The following PLA2G4E variants were observed in gnomAD, a reference collection of about 807,000 sequenced individuals.
PLA2G4E encodes cytosolic phospholipase A2 epsilon.
Under a neutral mutation model 109.1 loss-of-function variants are expected in PLA2G4E, and 84 were observed. The observed-to-expected ratio is 0.77, with a 90% CI of 0.65 to 0.92. The LOEUF (loss-of-function observed/expected upper bound fraction) is 0.92, where lower values mean the gene tolerates loss of function less well. Ranked by LOEUF, PLA2G4E falls within the 40% of genes least tolerant of loss-of-function variation. The probability of loss-of-function intolerance (pLI) is 0.00; values close to 1 mark genes in which losing one functional copy is unlikely to be tolerated. For synonymous variants in PLA2G4E, 469 were observed against 436.1 expected, an observed-to-expected ratio of 1.08 and a Z score of -0.94; for missense variants, 1,057 against 1,076.6, an observed-to-expected ratio of 0.98 and a Z score of 0.25.
intron 18 of PLA2G4E, 134 bp downstream of exon 18, chr15:41,985,705 G>T: frequency 8.8e-7 from 1 of 1,140,586 alleles, no homozygotes; most frequent in Non-Finnish European, 1.2e-6. Flanking sequence ...ACTGCTGCTT[G>T]GCTTCCTCTG....
intron 2 of PLA2G4E, among the ~76,000 whole-genome samples, chr15:42,010,539 T>C (rs558137256): frequency 1.3e-5 from 2 of 152,204 alleles, no homozygotes; most frequent in Non-Finnish European, 2.9e-5. Flanking sequence ...TCATGGACTA[T>C]GGGGATTTCC....
intron 1 of PLA2G4E, among the ~76,000 whole-genome samples, chr15:42,033,962 G>T (rs1889161504): frequency 6.6e-6 from 1 of 152,146 alleles, no homozygotes; most frequent in Admixed American, 6.5e-5. Flanking sequence ...GGTGGAGTGG[G>T]AGAGAGGAGT....
chr15:42,027,446 G>A (rs1478458138), intron 1 of PLA2G4E, among the ~76,000 whole-genome samples: 1 of 152,066 alleles, frequency 6.6e-6, no homozygotes, highest in African/African-American at 2.4e-5. Flanking sequence ...TTTCCCTCCA[G>A]CTTTTTCCCA....
chr15:41,990,972 A>C (rs1043954092), intron 13 of PLA2G4E, among the ~76,000 whole-genome samples: 1 of 152,002 alleles, frequency 6.6e-6, no homozygotes, highest in African/African-American at 2.4e-5. Flanking sequence ...TGGTCACCCC[A>C]GTGTGCAAAG....
exon 19 of PLA2G4E, chr15:41,984,503 T>C: frequency 4.3e-6 from 7 of 1,613,962 alleles, no homozygotes; most frequent in Non-Finnish European, 5.9e-6. Flanking sequence ...GGGCATCGGG[T>C]TCCTGGGGGT....
At chr15:41,990,799 G>A (rs575680028) in intron 13 of PLA2G4E, among the ~76,000 whole-genome samples, 1 of 126,684 alleles carries the variant, frequency 7.9e-6, no homozygotes, top group East Asian at 2.4e-4. Flanking sequence ...CTAGATGGTT[G>A]CTGAGGTCAC....
chr15:42,009,142 G>T (rs2068506728), intron 2 of PLA2G4E: 1 of 152,162 alleles, frequency 6.6e-6, no homozygotes. Flanking sequence ...TAGATGTCAT[G>T]ATAATCACTT....
chr15:42,023,172 A>G (rs766906763), intron 1 of PLA2G4E, among the ~76,000 whole-genome samples: 15 of 150,882 alleles, frequency 9.9e-5, no homozygotes, highest in Non-Finnish European at 1.8e-4. Flanking sequence ...GAAATTGGGC[A>G]GAAAGAAGGA....
At chr15:41,985,416 C>A (rs1415600761) in intron 18 of PLA2G4E, among the ~76,000 whole-genome samples, 1 of 152,168 alleles carries the variant, frequency 6.6e-6, no homozygotes, top group African/African-American at 2.4e-5. Flanking sequence ...AGGCTTCCCT[C>A]CCACCTGAGA....
chr15:41,985,184 C>T (rs542938279), intron 18 of PLA2G4E, among the ~76,000 whole-genome samples: 2 of 152,086 alleles, frequency 1.3e-5, no homozygotes, highest in African/African-American at 2.4e-5. Context: ...GCAGTTGTGC[C>T]GTCTCCCTCC....
exon 20 of PLA2G4E, chr15:41,983,869 T>C: frequency 6.2e-7 from 1 of 1,613,394 alleles, no homozygotes; most frequent in Non-Finnish European, 8.5e-7. Context: ...CACCAGCTTG[T>C]CAAAGGTGGC....
intron 5 of PLA2G4E, among the ~76,000 whole-genome samples, chr15:42,003,135 G>T (rs2068438582): frequency 6.6e-6 from 1 of 152,216 alleles, no homozygotes; most frequent in South Asian, 2.1e-4. Flanking sequence ...AGCTGAGAGG[G>T]TGAATGTTAA....
At chr15:41,990,536 G>A (rs758161256) in intron 13 of PLA2G4E, among the ~76,000 whole-genome samples, 1 of 152,036 alleles carries the variant, frequency 6.6e-6, no homozygotes, top group Non-Finnish European at 1.5e-5. Flanking sequence ...AGGAAGGGGT[G>A]GGAGAGGCTA....
intron 11 of PLA2G4E, among the ~76,000 whole-genome samples, chr15:41,996,703 C>T (rs1015627887): frequency 6.6e-5 from 10 of 152,226 alleles, no homozygotes; most frequent in African/African-American, 2.4e-4. Context: ...GCTGTTATTT[C>T]TGGGAGTGTG....
At chr15:41,991,408 A>G (rs1308458141) in intron 13 of PLA2G4E, among the ~76,000 whole-genome samples, 1 of 151,912 alleles carries the variant, frequency 6.6e-6, no homozygotes, top group Non-Finnish European at 1.5e-5. Flanking sequence ...AGTAAAGAGC[A>G]GGGCCTGAAT....
chr15:42,030,395 C>G (rs544250394), intron 1 of PLA2G4E, among the ~76,000 whole-genome samples: 144 of 152,312 alleles, frequency 9.5e-4, no homozygotes, highest in African/African-American at 2.9e-3. Context: ...ATGCCTATCC[C>G]TCTTTATCTG....
intron 4 of PLA2G4E, 40 bp from the exon 5 acceptor site, chr15:42,005,018 T>C (rs1424923834): frequency 1.9e-6 from 3 of 1,606,062 alleles, no homozygotes; most frequent in Non-Finnish European, 2.6e-6. Flanking sequence ...GAGTGGCGTC[T>C]GCACATCTCT....
intron 1 of PLA2G4E, among the ~76,000 whole-genome samples, chr15:42,045,344 C>A (rs1327716130): frequency 6.6e-6 from 1 of 151,680 alleles, no homozygotes. Context: ...AGTGTGAAAC[C>A]GGGAGGATGG....
intron 2 of PLA2G4E, among the ~76,000 whole-genome samples, chr15:42,008,692 C>T (rs1440799872): frequency 6.6e-6 from 1 of 152,298 alleles, no homozygotes; most frequent in Non-Finnish European, 1.5e-5. Flanking sequence ...AGACTGGCTC[C>T]CTGCTCTAGT....
Sources: gnomAD v4.1 joint callset for allele counts (sites outside exome capture counted in the v4.1 genomes callset) on GRCh38, gnomAD v4.1.1 for gene constraint, MANE v1.5 for transcripts, NCBI Gene and HGNC (gene_info 2026-07-23, HGNC 2026-07-21) for gene names.